Variants in DLG2 observed in about 807,000 individuals in gnomAD.
The protein encoded by DLG2 is discs large MAGUK scaffold protein 2.
In DLG2, 45 loss-of-function variants were observed where a neutral mutation model predicts 132.5. The observed-to-expected ratio is 0.34, with a 90% CI of 0.27 to 0.44. DLG2 has a LOEUF of 0.44. DLG2 is among the 20% of genes least tolerant of loss of function. The pLI is 1.00. For missense variants in DLG2, 1,045 were observed against 1,196.9 expected, an observed-to-expected ratio of 0.87 and a Z score of 1.87; for synonymous variants, 424 against 419.6, an observed-to-expected ratio of 1.01 and a Z score of -0.13.
intron 5 of DLG2, among the ~76,000 whole-genome samples, chr11:85,123,130 A>C (rs909310833): frequency 2.7e-5 from 4 of 150,776 alleles, no homozygotes; most frequent in Non-Finnish European, 4.4e-5. Context: ...GGCACCTGCC[A>C]CCACACTCGG....
intron 6 of DLG2, among the ~76,000 whole-genome samples, chr11:84,793,387 G>A (rs2074140619): frequency 6.6e-6 from 1 of 152,174 alleles, no homozygotes; most frequent in Admixed American, 6.5e-5. Context: ...GCCACTGGAT[G>A]AAATGTTTTG....
At chr11:85,256,574 A>T (rs1595744578) in intron 4 of DLG2, among the ~76,000 whole-genome samples, 1 of 152,084 alleles carries the variant, frequency 6.6e-6, no homozygotes, top group South Asian at 2.1e-4. Context: ...AGTCGCAGGC[A>T]CCCACCCCTA....
intron 19 of DLG2, among the ~76,000 whole-genome samples, chr11:83,554,859 G>T (rs2096483710): frequency 6.6e-6 from 1 of 152,176 alleles, no homozygotes; most frequent in Non-Finnish European, 1.5e-5. Context: ...TGCAATCATG[G>T]CTTCAGTCAT....
At chr11:85,485,531 G>C (rs533641966) in intron 3 of DLG2, among the ~76,000 whole-genome samples, 102 of 152,274 alleles carry the variant, frequency 6.7e-4, no homozygotes, top group African/African-American at 2.4e-3. Flanking sequence ...GAGAGACTTA[G>C]ATTCAACAAA....
At chr11:85,047,926 G>A (rs1263706816) in intron 6 of DLG2, among the ~76,000 whole-genome samples, 2 of 151,830 alleles carry the variant, frequency 1.3e-5, no homozygotes, top group East Asian at 3.9e-4. Context: ...CACTAAGTGA[G>A]AGTTTTACCT....
intron 14 of DLG2, among the ~76,000 whole-genome samples, chr11:83,946,379 G>A (rs1565758126): frequency 6.6e-6 from 1 of 152,108 alleles, no homozygotes; most frequent in African/African-American, 2.4e-5. Context: ...ATCACCTGTG[G>A]ATATTTTAGT....
chr11:83,573,677 T>C (rs2096833530), intron 19 of DLG2, among the ~76,000 whole-genome samples: 1 of 152,170 alleles, frequency 6.6e-6, no homozygotes, highest in African/African-American at 2.4e-5. Context: ...CATTTTATTA[T>C]TTATTTTCAT....
intron 6 of DLG2, among the ~76,000 whole-genome samples, chr11:84,758,201 C>A (rs973168216): frequency 6.6e-6 from 1 of 152,134 alleles, no homozygotes; most frequent in Non-Finnish European, 1.5e-5. Context: ...TGTACCTGTA[C>A]TGTTTTGGGC....
At chr11:85,173,380 A>G (rs1416352355) in intron 4 of DLG2, among the ~76,000 whole-genome samples, 2 of 152,210 alleles carry the variant, frequency 1.3e-5, no homozygotes, top group African/African-American at 2.4e-5. Context: ...ACTAAACTCC[A>G]TAAGTGAAGG....
At chr11:84,640,800 C>T (rs994045713) in intron 6 of DLG2, among the ~76,000 whole-genome samples, 1 of 151,872 alleles carries the variant, frequency 6.6e-6, no homozygotes, top group African/African-American at 2.4e-5. Flanking sequence ...ATTAGCCAAG[C>T]GTGGTGGTGC....
At chr11:83,587,654 GGAAC>G (rs2097108754) in intron 19 of DLG2, among the ~76,000 whole-genome samples, 2 of 152,170 alleles carry the variant, frequency 1.3e-5, no homozygotes, top group South Asian at 4.1e-4. Context: ...GAGAGGAATA[GGAAC>G]AGCTCCGGTC....
chr11:84,921,023 C>A (rs573937432), intron 6 of DLG2, among the ~76,000 whole-genome samples: 11 of 151,904 alleles, frequency 7.2e-5, no homozygotes, highest in Non-Finnish European at 1.3e-4. Flanking sequence ...AGAGAGAATT[C>A]AACAGAACCA....
At chr11:84,345,082 G>A (rs146382155) in intron 7 of DLG2, among the ~76,000 whole-genome samples, 44 of 152,250 alleles carry the variant, frequency 2.9e-4, no homozygotes, top group African/African-American at 9.4e-4. Flanking sequence ...GGGTCCAATC[G>A]CATTAGAAAT....
intron 7 of DLG2, among the ~76,000 whole-genome samples, chr11:84,299,464 G>C (rs1424055767): frequency 6.6e-6 from 1 of 152,188 alleles, no homozygotes; most frequent in African/African-American, 2.4e-5. Context: ...ATATCAATTA[G>C]TGATTGATTA....
rs149570257 is a variant in DLG2, at chr11:84,610,278, A to G, written c.358-75547T>C. Among the ~76,000 whole-genome samples, 812 of 152,196 alleles carry G rather than the reference A, an allele frequency of 5.3e-3. 4 individuals carry two copies. The highest frequency in any genetic ancestry group is 8.2e-3 in the Non-Finnish European group (559 of 67,998). ...AACATATTAATATCATAAAATTAAT[A>G]CTAATTATTATTCTGTAGTGAGCAT... On this transcript the variant is annotated intron_variant, in intron 6 of 27. Coordinates refer to ENST00000376104, the MANE Select transcript of DLG2 (RefSeq NM_001142699.3).
intron 3 of DLG2, among the ~76,000 whole-genome samples, chr11:85,489,891 T>C (rs1204168909): frequency 2.1e-5 from 3 of 142,776 alleles, no homozygotes; most frequent in Non-Finnish European, 4.7e-5. Context: ...ATGCAAAAAA[T>C]GAGTAAATAA....
intron 2 of DLG2, among the ~76,000 whole-genome samples, chr11:85,619,596 G>C (rs950571877): frequency 5.3e-5 from 8 of 152,118 alleles, no homozygotes; most frequent in African/African-American, 1.9e-4. Context: ...CACTTTCAGA[G>C]GTGGAGGCAG....
At position 83,551,714 on chromosome 11, in the gene DLG2, C is replaced by T. The variant is rs182132147; in HGVS notation, c.1941-9856G>A. On this transcript the variant is annotated intron_variant, in intron 19 of 27. Transcript: ENST00000376104. ...TGCCCGTAAAGTTTCCCATTATCAC[C>T]TGTTGACTAGAGATAGAGAGGACAT... Among the ~76,000 whole-genome samples, 12 of 152,222 alleles carry T rather than the reference C, an allele frequency of 7.9e-5. No homozygotes were observed. The East Asian group carries it at 2.3e-3, about 29-fold the overall frequency.
At position 85,275,659 on chromosome 11, in the gene DLG2, GA is replaced by G. The variant is rs1009712411; in HGVS notation, c.186+9560del. On this transcript the variant is annotated intron_variant, in intron 4 of 27. Transcript: ENST00000376104. ...AATTTTAAATATTCTGCCCTGTATA[GA>G]AAAAAAAAGTCCATACTTTTATATA... Among the ~76,000 whole-genome samples, 15 of 150,474 alleles carry G rather than the reference GA, an allele frequency of 1.0e-4. 1 individual carries two copies. Among genetic ancestry groups the G allele is most frequent in the Admixed American group, 4.6e-4 (7 of 15,082 alleles).
Sources: gnomAD v4.1 joint callset for allele counts (sites outside exome capture counted in the v4.1 genomes callset) on GRCh38, gnomAD v4.1.1 for gene constraint, MANE v1.5 for transcripts, NCBI Gene and HGNC (gene_info 2026-07-23, HGNC 2026-07-21) for gene names.